MSI1: variants seen among roughly 807,000 people sequenced by gnomAD.
MSI1 encodes RNA-binding protein Musashi homolog 1.
Under a neutral mutation model 54.4 loss-of-function variants are expected in MSI1, and 15 were observed. That is an observed-to-expected ratio of 0.28 (90% confidence interval 0.18 to 0.42). MSI1 has a LOEUF of 0.42. Among genes scored for constraint, MSI1 ranks in the 20% least tolerant of loss-of-function variants. MSI1 has a pLI of 1.00. For missense variants in MSI1, 304 were observed against 506.0 expected (o/e 0.60, Z 3.83); for synonymous variants, 200 against 196.5 (o/e 1.02, Z -0.15).
rs974285990 is a variant in MSI1, at chr12:120,345,551, C to T, written c.*21+19G>A. Reference sequence around the variant, plus strand: ...TTCCCCAGTGCCACCCCACCACCTGCCCACCCCCACATCCTCACCTCCTGC... The same window carrying T: ...TTCCCCAGTGCCACCCCACCACCTGTCCACCCCCACATCCTCACCTCCTGC... On this transcript the variant is annotated intron_variant, in intron 14 of 14. Transcript: ENST00000257552. 10 of 1,610,778 alleles carry T rather than the reference C, an allele frequency of 6.2e-6. No individual in the cohort carries two copies.
intron 14 of MSI1, 143 bp from the exon 15 acceptor site, chr12:120,343,248 G>C (rs937671789): frequency 6.6e-6 from 1 of 152,252 alleles, no homozygotes; most frequent in Non-Finnish European, 1.5e-5. Context: ...TGTTGCCCAG[G>C]CTGGAGTGCA....
chr12:120,345,949 G>A (rs764991511), intron 13 of MSI1, among the ~76,000 whole-genome samples, 186 bp downstream of exon 13: 6 of 152,184 alleles, frequency 3.9e-5, no homozygotes, highest in Non-Finnish European at 8.8e-5. Context: ...GGCATTCAGA[G>A]GCGATAACTA....
intron 7 of MSI1, among the ~76,000 whole-genome samples, chr12:120,358,183 T>C (rs1227830867): frequency 6.6e-6 from 1 of 152,226 alleles, no homozygotes; most frequent in African/African-American, 2.4e-5. Context: ...CTCAACATGC[T>C]TTTTCTAGTC....
In MSI1 at chr12:120,368,387, C is replaced by T. The variant is rs1237967728; in HGVS notation, c.101-114G>A. On this transcript the variant is annotated intron_variant, in intron 2 of 14. Coordinates refer to ENST00000257552, the MANE Select transcript of MSI1 (RefSeq NM_002442.4). The surrounding 1 kb of genome is among the most constrained non-coding windows in gnomAD (Gnocchi z 6.6). ...CCGGCCGCCCCCGCGCCAAGCTGCC[C>T]GCGCGTTCTCCACTGCCGCCGCCCC... 9.6e-6 allele frequency: 11 copies of T among 1,148,620 alleles called. No homozygotes were observed. Among genetic ancestry groups the T allele is most frequent in the Non-Finnish European group, 1.3e-5 (11 of 834,654 alleles). The allele number at this position is 1,148,620 out of a possible 1,614,324, so 71.2% of individuals were successfully genotyped here.
rs1254697598 is a variant in MSI1, at chr12:120,347,549, G to A, written c.791-35C>T. The A allele has an allele frequency of 3.1e-6, 5 of 1,613,218 alleles. No individual in the cohort carries two copies. In the African/African-American group the frequency reaches 6.7e-5, roughly 22 times the overall value. On this transcript the variant is annotated intron_variant, in intron 11 of 14. Coordinates refer to ENST00000257552, the MANE Select transcript of MSI1 (RefSeq NM_002442.4). ...AAGGGATGGGCACATCAGCATGGCGGTGAGGGGCAGAGATGGGTGAAGGAG... is the reference window on the plus strand; with the variant it reads ...AAGGGATGGGCACATCAGCATGGCGATGAGGGGCAGAGATGGGTGAAGGAG...
chr12:120,350,931 G>A (rs1216267890), intron 11 of MSI1, among the ~76,000 whole-genome samples: 2 of 152,220 alleles, frequency 1.3e-5, no homozygotes. Context: ...TAGTGAGTCT[G>A]TGTCCCCTCC....
Position 120,356,907 on chromosome 12 carries a change from A to G in MSI1, c.647T>C (p.Met216Thr). The change falls in exon 9 of 15, where the codon ATG (methionine) becomes ACG (threonine). Residue 216 changes from methionine to threonine, a missense_variant. Transcript: ENST00000257552. ...AGGCGCAGGCTCGCGCATACCCAGC[A>G]TGCCGATGCCCAGCATGAAGGCGTC... ...GMDAFMLGIG[M>T]LGYPGFQATT... The G allele has an allele frequency of 6.2e-7, 1 of 1,613,870 alleles. No homozygotes were observed. Among genetic ancestry groups the G allele is most frequent in the Non-Finnish European group, 8.5e-7 (1 of 1,179,974 alleles).
At chr12:120,367,600 G>C (rs1220247337) in intron 4 of MSI1, among the ~76,000 whole-genome samples, 2 of 152,088 alleles carry the variant, frequency 1.3e-5, no homozygotes, top group Admixed American at 1.3e-4. Context: ...TGGATGAAGA[G>C]GGGGTGTCGC....
chr12:120,343,184 T>C (rs2136880310), intron 14 of MSI1, 79 bp from the exon 15 acceptor site: 1 of 152,102 alleles, frequency 6.6e-6, no homozygotes, highest in African/African-American at 2.4e-5. Flanking sequence ...AAGAGCTTTG[T>C]TCGTAAACTA....
chr12:120,343,517 C>T (rs1348224216), intron 14 of MSI1, among the ~76,000 whole-genome samples: 3 of 152,034 alleles, frequency 2.0e-5, no homozygotes, highest in Non-Finnish European at 2.9e-5. Flanking sequence ...AGCCACCACA[C>T]CCAGCCAGAC....
chr12:120,361,495 C>T (rs1444863561), intron 6 of MSI1: 3 of 152,330 alleles, frequency 2.0e-5, no homozygotes, highest in African/African-American at 7.2e-5. Context: ...CACCGGTGTC[C>T]CCTCCTGGGG....
At chr12:120,367,811 G>A (rs1876109197) in intron 4 of MSI1, among the ~76,000 whole-genome samples, 197 bp downstream of exon 4, 2 of 151,994 alleles carry the variant, frequency 1.3e-5, no homozygotes, top group South Asian at 4.2e-4. Flanking sequence ...GCATCTCATG[G>A]CAGGCCAGGG....
downstream of MSI1, among the ~76,000 whole-genome samples, chr12:120,340,211 C>T (rs1294414917): frequency 6.6e-6 from 1 of 152,074 alleles, no homozygotes; most frequent in African/African-American, 2.4e-5. Context: ...CTCAGCCTCC[C>T]AAGTAGCTGG....
In MSI1 at chr12:120,351,778, G is replaced by A. The variant is rs551114530; in HGVS notation, c.734-378C>T. On this transcript the variant is annotated intron_variant, in intron 10 of 14. Transcript: ENST00000257552. ...GTCTGGAGTGCAGTGGCGCGATCTC[G>A]GCTCACTGCAAGCTCCGCCTTCCGG... 2.9e-3 allele frequency among the ~76,000 whole-genome samples: 434 copies of A among 147,474 alleles called. 1 individual carries two copies. Among genetic ancestry groups the A allele is most frequent in the Non-Finnish European group, 4.3e-3 (288 of 67,100 alleles).
At chr12:120,348,412 C>T (rs1874316558) in intron 11 of MSI1, among the ~76,000 whole-genome samples, 1 of 152,192 alleles carries the variant, frequency 6.6e-6, no homozygotes, top group Admixed American at 6.5e-5. Flanking sequence ...ATACAGTGGG[C>T]TCCTTCTCAC....
chr12:120,358,390 AC>A (rs758300699), intron 7 of MSI1, among the ~76,000 whole-genome samples: 112 of 151,898 alleles, frequency 7.4e-4, no homozygotes, highest in Non-Finnish European at 1.3e-3. Flanking sequence ...AGGCACAGAT[AC>A]CCCCTTTTGC....
chr12:120,368,702 G>T lies in MSI1; in HGVS notation c.100+131C>A. 2 of 822,734 alleles carry T rather than the reference G, an allele frequency of 2.4e-6. No homozygotes were observed. Among genetic ancestry groups the T allele is most frequent in the South Asian group, 5.8e-5 (1 of 17,338 alleles). The allele number at this position is 822,734 out of a possible 1,614,324, so 51.0% of individuals were successfully genotyped here. A position where few individuals can be genotyped will look rare whatever the true frequency, so the allele number is the denominator to read the frequency against. ...CCCTGCGCTCTCGGGGTCTCCGGGC[G>T]GGGCGCGAAAGAGGGCGCGAGGGCG... On this transcript the variant is annotated intron_variant, in intron 2 of 14. Transcript: ENST00000257552. This position sits in a 1 kb window ranked among gnomAD's most constrained non-coding sequence, Gnocchi z 6.6.
chr12:120,367,683 G>A (rs947246076), intron 4 of MSI1, among the ~76,000 whole-genome samples: 1 of 152,092 alleles, frequency 6.6e-6, no homozygotes, highest in African/African-American at 2.4e-5. Flanking sequence ...CCCAATTTGG[G>A]CTGGGGGAGG....
At chr12:120,364,425 ACT>A (rs976686133) in intron 5 of MSI1, among the ~76,000 whole-genome samples, 1 of 151,716 alleles carries the variant, frequency 6.6e-6, no homozygotes, top group Non-Finnish European at 1.5e-5. Flanking sequence ...CAGGCTCCAA[ACT>A]CTACTGGGTT....
Sources: gnomAD v4.1 joint callset for allele counts (sites outside exome capture counted in the v4.1 genomes callset) on GRCh38, gnomAD v4.1.1 for gene constraint, Gnocchi (gnomAD v3.1) non-coding constraint, MANE v1.5 for transcripts, NCBI Gene and HGNC (gene_info 2026-07-23, HGNC 2026-07-21) for gene names.